Variants in SDK1 observed in about 807,000 individuals in gnomAD.
SDK1 encodes the protein protein sidekick-1.
SDK1 carries 157 observed loss-of-function variants against 245.5 expected under a neutral mutation model. That is an observed-to-expected ratio of 0.64 (90% CI 0.56 to 0.73). SDK1 has a LOEUF of 0.73. Among genes scored for constraint, SDK1 ranks in the 30% least tolerant of loss-of-function variants. The pLI is 0.00. For synonymous variants in SDK1, 1,647 were observed against 1,278.5 expected (o/e 1.29, Z -6.15); for missense variants, 3,583 against 3,002.3 (o/e 1.19, Z -4.52).
chr7:3,599,796 A>T (rs532922407), intron 1 of SDK1, among the ~76,000 whole-genome samples: 1 of 152,108 alleles, frequency 6.6e-6, no homozygotes, highest in Non-Finnish European at 1.5e-5. Context: ...TCTCTATTTT[A>T]TGTCTTTGAT....
chr7:3,776,531 C>G (rs542560529), intron 4 of SDK1, among the ~76,000 whole-genome samples: 4 of 152,140 alleles, frequency 2.6e-5, no homozygotes, highest in African/African-American at 9.7e-5. Flanking sequence ...GTCTTCGTCA[C>G]CTATCTCACA....
At chr7:4,124,258 C>G (rs1426620320) in intron 25 of SDK1, among the ~76,000 whole-genome samples, 3 of 152,208 alleles carry the variant, frequency 2.0e-5, no homozygotes, top group African/African-American at 7.2e-5. Flanking sequence ...GCTTAAATGA[C>G]AGAAATGTTT....
chr7:4,128,315 T>A (rs60440642), intron 26 of SDK1, among the ~76,000 whole-genome samples: 2 of 152,012 alleles, frequency 1.3e-5, no homozygotes, highest in African/African-American at 4.8e-5. Context: ...CTTCCCCGGG[T>A]GTTCTAAGTG....
intron 1 of SDK1, among the ~76,000 whole-genome samples, chr7:3,367,597 G>T (rs1781124562): frequency 6.6e-6 from 1 of 152,090 alleles, no homozygotes; most frequent in African/African-American, 2.4e-5. Context: ...TAATTTTTCT[G>T]TATTTGTGCT....
intron 35 of SDK1, among the ~76,000 whole-genome samples, chr7:4,187,040 G>T (rs1361931701): frequency 2.0e-5 from 3 of 152,154 alleles, no homozygotes; most frequent in Non-Finnish European, 4.4e-5. Context: ...TTCGGAGTGG[G>T]GCTTGGGACC....
chr7:3,597,478 A>T (rs1781104119), intron 1 of SDK1, among the ~76,000 whole-genome samples: 1 of 152,124 alleles, frequency 6.6e-6, no homozygotes, highest in African/African-American at 2.4e-5. Context: ...AGGACACAGA[A>T]CACCGGCGGC....
chr7:4,253,305 C>T (rs1051901398), intron 44 of SDK1, among the ~76,000 whole-genome samples: 2 of 152,070 alleles, frequency 1.3e-5, no homozygotes, highest in African/African-American at 4.8e-5. Flanking sequence ...TTAGCTGAAT[C>T]TCATAAGTTT....
chr7:3,598,044 A>G (rs1176865268), intron 1 of SDK1, among the ~76,000 whole-genome samples: 1 of 152,166 alleles, frequency 6.6e-6, no homozygotes, highest in African/African-American at 2.4e-5. Flanking sequence ...CCATTTTTAC[A>G]TGTTCACCAG....
intron 1 of SDK1, among the ~76,000 whole-genome samples, chr7:3,302,702 A>T (rs7798672): frequency 0.39 from 58,245 of 151,030 alleles, 12,585 homozygotes; most frequent in South Asian, 0.52. Context: ...AAACCAAAAC[A>T]CCCCCCTCAA....
intron 4 of SDK1, among the ~76,000 whole-genome samples, chr7:3,681,991 A>G (rs1342089838): frequency 2.6e-5 from 4 of 152,228 alleles, no homozygotes; most frequent in Non-Finnish European, 4.4e-5. Flanking sequence ...CAAATGTTTT[A>G]ATGTTCTGCA....
At chr7:3,714,063 C>A (rs573707236) in intron 4 of SDK1, among the ~76,000 whole-genome samples, 1 of 152,282 alleles carries the variant, frequency 6.6e-6, no homozygotes, top group Non-Finnish European at 1.5e-5. Context: ...GGCAGCAAGT[C>A]GTGAGCCGGC....
At chr7:3,686,688 C>T (rs1784292978) in intron 4 of SDK1, among the ~76,000 whole-genome samples, 2 of 152,210 alleles carry the variant, frequency 1.3e-5, no homozygotes, top group South Asian at 4.1e-4. Flanking sequence ...AGCTACGACT[C>T]TGTTGCTGAC....
chr7:3,448,566 T>C (rs946940992), intron 1 of SDK1, among the ~76,000 whole-genome samples: 4 of 152,182 alleles, frequency 2.6e-5, no homozygotes, highest in Admixed American at 2.6e-4. Context: ...CTAAATTCTC[T>C]TATGAATGTT....
At chr7:3,823,461 C>A (rs905234863) in intron 5 of SDK1, among the ~76,000 whole-genome samples, 9 of 152,138 alleles carry the variant, frequency 5.9e-5, no homozygotes, top group African/African-American at 2.2e-4. Flanking sequence ...CAGTCCGTAC[C>A]TAGTACTTGC....
At chr7:3,748,544 C>G (rs1779689832) in intron 4 of SDK1, among the ~76,000 whole-genome samples, 1 of 152,144 alleles carries the variant, frequency 6.6e-6, no homozygotes, top group Admixed American at 6.5e-5. Flanking sequence ...CCTTAAGGTT[C>G]AGAGTTTTTG....
rs561125068 is a variant in SDK1, at chr7:3,787,904, G to A, written c.714-33546G>A. Among the ~76,000 whole-genome samples, 337 of 152,336 alleles carry A rather than the reference G, an allele frequency of 2.2e-3. 4 individuals are homozygous for A. Among genetic ancestry groups the A allele is most frequent in the South Asian group, 0.014 (66 of 4,822 alleles). ...ACCGCTGGAGTTTGTATGGCTGTCA[G>A]TGTCACATGCGGTTGCACAGAAGCC... is the stretch of plus-strand genomic sequence containing the variant. On this transcript the variant is annotated intron_variant, in intron 4 of 44. Coordinates refer to ENST00000404826, the MANE Select transcript of SDK1 (RefSeq NM_152744.4).
chr7:3,329,848 G>A (rs1476080614), intron 1 of SDK1, among the ~76,000 whole-genome samples: 1 of 152,162 alleles, frequency 6.6e-6, no homozygotes, highest in Admixed American at 6.5e-5. Context: ...TACTTATATA[G>A]CATTTATACT....
At chr7:4,125,770 C>T (rs1784358648) in intron 25 of SDK1, among the ~76,000 whole-genome samples, 1 of 152,194 alleles carries the variant, frequency 6.6e-6, no homozygotes, top group Non-Finnish European at 1.5e-5. Context: ...TCACTTTCTT[C>T]AAAACAACTA....
chr7:4,178,567 G>T lies in SDK1; in HGVS notation c.5079G>T (p.Glu1693Asp). 6.2e-7 allele frequency: 1 copy of T among 1,612,008 alleles called. No homozygotes were observed. Among genetic ancestry groups the T allele is most frequent in the South Asian group, 1.1e-5 (1 of 91,070 alleles). Residue 1693 changes from glutamate to aspartate, a missense_variant, in exon 35 of 45, where the codon GAG becomes GAT. Transcript: ENST00000404826. ...IGESPASAPV[E>D]VFVGEAAPAM... ...AGAGCCCAGCCAGCGCGCCCGTGGA[G>T]GTCTTTGTCGGCGAGGCTGGTAAGC...
Sources: gnomAD v4.1 joint callset for allele counts (sites outside exome capture counted in the v4.1 genomes callset) on GRCh38, gnomAD v4.1.1 for gene constraint, MANE v1.5 for transcripts, NCBI Gene and HGNC (gene_info 2026-07-23, HGNC 2026-07-21) for gene names.